SAMD12: variants seen among roughly 807,000 people sequenced by gnomAD.
SAMD12 encodes sterile alpha motif domain containing 12, also known as sterile alpha motif domain-containing protein 12.
In SAMD12, 9 loss-of-function variants were observed where a neutral mutation model predicts 15.0. The observed-to-expected ratio is 0.60, with a 90% CI of 0.36 to 1.05. SAMD12 has a LOEUF of 1.05. SAMD12 is among the 50% of genes least tolerant of loss of function. The pLI is 0.01. For missense variants in SAMD12, 230 were observed against 234.2 expected (o/e 0.98, Z 0.12); for synonymous variants, 86 against 90.1 (o/e 0.96, Z 0.25).
chr8:118,228,703 T>C (rs772970345), intron 4 of SAMD12, among the ~76,000 whole-genome samples: 1 of 152,202 alleles, frequency 6.6e-6, no homozygotes, highest in African/African-American at 2.4e-5. Context: ...TGTAAACTAG[T>C]ACAGCCATTC....
chr8:118,585,597 T>C (rs1827419422), intron 1 of SAMD12, among the ~76,000 whole-genome samples: 1 of 152,248 alleles, frequency 6.6e-6, no homozygotes, highest in African/African-American at 2.4e-5. Flanking sequence ...AATATCATCG[T>C]GATTTTCATC....
chr8:118,459,664 C>T (rs1361322240), intron 2 of SAMD12, among the ~76,000 whole-genome samples: 1 of 151,822 alleles, frequency 6.6e-6, no homozygotes, highest in Non-Finnish European at 1.5e-5. Context: ...AGTAAGTGGC[C>T]CCTACTAACT....
chr8:118,264,087 A>G (rs1813144630), intron 4 of SAMD12, among the ~76,000 whole-genome samples: 1 of 152,084 alleles, frequency 6.6e-6, no homozygotes, highest in South Asian at 2.1e-4. Context: ...TTCTTACTCT[A>G]TTTCTTAAGA....
At chr8:118,475,955 A>G (rs1229818260) in intron 2 of SAMD12, among the ~76,000 whole-genome samples, 1 of 152,222 alleles carries the variant, frequency 6.6e-6, no homozygotes, top group Non-Finnish European at 1.5e-5. Flanking sequence ...GGTAGAGGCA[A>G]TGTCAGGTTT....
intron 2 of SAMD12, among the ~76,000 whole-genome samples, chr8:118,462,406 A>G (rs1226236464): frequency 2.0e-5 from 3 of 152,210 alleles, no homozygotes; most frequent in South Asian, 4.1e-4. Context: ...AATGTCAATT[A>G]TATTTAAGGG....
chr8:118,140,633 A>G, the SAMD12 span, among the ~76,000 whole-genome samples: 1 of 151,926 alleles, frequency 6.6e-6, no homozygotes, highest in Non-Finnish European at 1.5e-5. Context: ...AGAGACAATG[A>G]CTCTTATTGA....
At chr8:118,227,335 G>T (rs1489068711) in intron 4 of SAMD12, among the ~76,000 whole-genome samples, 2 of 152,228 alleles carry the variant, frequency 1.3e-5, no homozygotes, top group African/African-American at 4.8e-5. Context: ...TGGACATAAA[G>T]AAGGGAACAA....
chr8:118,598,875 T>C (rs553492955), intron 1 of SAMD12, among the ~76,000 whole-genome samples: 4 of 152,288 alleles, frequency 2.6e-5, no homozygotes, highest in East Asian at 1.9e-4. Context: ...CCTGAGTCAA[T>C]TGATCCTCAT....
At chr8:118,398,191 C>G (rs1820683500) in intron 3 of SAMD12, among the ~76,000 whole-genome samples, 1 of 152,060 alleles carries the variant, frequency 6.6e-6, no homozygotes. Flanking sequence ...GAGGTCAGCA[C>G]TTCAAGATCA....
At chr8:118,605,630 TA>T (rs1210133517) in intron 1 of SAMD12, among the ~76,000 whole-genome samples, 1 of 152,028 alleles carries the variant, frequency 6.6e-6, no homozygotes, top group Non-Finnish European at 1.5e-5. Flanking sequence ...GAAATGGAGA[TA>T]TTTTCTAAGA....
the SAMD12 span, among the ~76,000 whole-genome samples, chr8:118,140,312 C>G: frequency 1.3e-5 from 2 of 152,036 alleles, no homozygotes; most frequent in East Asian, 3.9e-4. Flanking sequence ...CACTCTGTTG[C>G]CCAGACTGGA....
intron 1 of SAMD12, among the ~76,000 whole-genome samples, chr8:118,590,333 A>C (rs2131277584): frequency 6.6e-6 from 1 of 152,328 alleles, no homozygotes; most frequent in African/African-American, 2.4e-5. Context: ...CTCCCAGGAG[A>C]ATGCCATAGA....
chr8:118,159,856 A>G, the SAMD12 span, among the ~76,000 whole-genome samples: 2 of 151,902 alleles, frequency 1.3e-5, no homozygotes, highest in East Asian at 3.9e-4. Context: ...AGTAGCTGGG[A>G]TTACAGGTGC....
chr8:118,304,609 A>T (rs1268035765), intron 4 of SAMD12, among the ~76,000 whole-genome samples: 1 of 151,760 alleles, frequency 6.6e-6, no homozygotes, highest in African/African-American at 2.4e-5. Flanking sequence ...AATACAAAAA[A>T]ATTACCCGGG....
At chr8:118,560,785 A>C (rs1241619467) in intron 2 of SAMD12, among the ~76,000 whole-genome samples, 1 of 152,188 alleles carries the variant, frequency 6.6e-6, no homozygotes, top group East Asian at 1.9e-4. Context: ...TATAAATCCA[A>C]ATATCAGTAA....
intron 1 of SAMD12, among the ~76,000 whole-genome samples, chr8:118,592,659 G>A (rs1827612032): frequency 6.6e-6 from 1 of 152,014 alleles, no homozygotes; most frequent in South Asian, 2.1e-4. Flanking sequence ...TTCCTTTACT[G>A]TTATTAATAT....
chr8:118,532,632 T>G (rs1443036601), intron 2 of SAMD12, among the ~76,000 whole-genome samples: 1 of 152,216 alleles, frequency 6.6e-6, no homozygotes, highest in East Asian at 1.9e-4. Context: ...TATTGGTCTA[T>G]TCAGAGATTC....
chr8:118,377,772 C>A (rs1043677830), downstream of SAMD12, among the ~76,000 whole-genome samples: 2 of 152,078 alleles, frequency 1.3e-5, no homozygotes, highest in African/African-American at 4.8e-5. Context: ...ACACATAATG[C>A]GTCACATGTG....
chr8:118,606,978 G>A (rs1828001317), intron 1 of SAMD12, among the ~76,000 whole-genome samples: 1 of 152,064 alleles, frequency 6.6e-6, no homozygotes, highest in Non-Finnish European at 1.5e-5. Context: ...CACCTGGCTG[G>A]CTGGTGCACC....
Sources: gnomAD v4.1 joint callset for allele counts (sites outside exome capture counted in the v4.1 genomes callset) on GRCh38, gnomAD v4.1.1 for gene constraint, MANE v1.5 for transcripts, NCBI Gene and HGNC (gene_info 2026-07-23, HGNC 2026-07-21) for gene names.